The following TRAK1 variants were observed in gnomAD, a reference collection of about 807,000 sequenced individuals.
The protein encoded by TRAK1 is trafficking kinesin-binding protein 1.
Under a neutral mutation model 92.1 loss-of-function variants are expected in TRAK1, and 33 were observed. That is an observed-to-expected ratio of 0.36 (90% CI 0.27 to 0.48). The LOEUF is 0.48. Ranked by LOEUF, TRAK1 falls within the 20% of genes least tolerant of loss-of-function variation. TRAK1 has a pLI of 0.99. For synonymous variants in TRAK1, 521 were observed against 517.3 expected, an observed-to-expected ratio of 1.01 and a Z score of -0.10; for missense variants, 1,123 against 1,257.9, an observed-to-expected ratio of 0.89 and a Z score of 1.62.
At chr3:42,186,382 C>A (rs954864968) in intron 4 of TRAK1, among the ~76,000 whole-genome samples, 1 of 152,244 alleles carries the variant, frequency 6.6e-6, no homozygotes, top group Middle Eastern at 3.4e-3. Context: ...TAAAGCTATT[C>A]CCAGTACATT....
At chr3:42,030,536 G>A (rs189973553) in intron 1 of TRAK1, among the ~76,000 whole-genome samples, 1 of 149,856 alleles carries the variant, frequency 6.7e-6, no homozygotes, top group South Asian at 2.1e-4. Context: ...GACCAGGCAT[G>A]GTGGCGTATG....
At chr3:42,169,671 CAAAA>C (rs10710580) in intron 2 of TRAK1, among the ~76,000 whole-genome samples, 3 of 139,850 alleles carry the variant, frequency 2.1e-5, no homozygotes. Context: ...AACTCCATCT[CAAAA>C]AAAAAAAAAA....
chr3:42,196,292 G>T (rs1025954699), intron 10 of TRAK1, among the ~76,000 whole-genome samples: 1 of 152,130 alleles, frequency 6.6e-6, no homozygotes, highest in Non-Finnish European at 1.5e-5. Flanking sequence ...CATTCTAATC[G>T]CTGAATAAAA....
chr3:42,159,878 C>T (rs1008742550), intron 2 of TRAK1, among the ~76,000 whole-genome samples: 1 of 152,210 alleles, frequency 6.6e-6, no homozygotes, highest in Non-Finnish European at 1.5e-5. Context: ...CAGGACAATT[C>T]CTCCGCCAGC....
chr3:42,101,872 T>A (rs1706804737), intron 1 of TRAK1, among the ~76,000 whole-genome samples: 1 of 152,166 alleles, frequency 6.6e-6, no homozygotes. Flanking sequence ...TGTTGGTGAG[T>A]CCAGCAATCC....
intron 1 of TRAK1, among the ~76,000 whole-genome samples, chr3:42,035,566 T>C (rs535927857): frequency 2.0e-5 from 3 of 152,346 alleles, no homozygotes; most frequent in South Asian, 2.1e-4. Context: ...CAGGAACCAG[T>C]ACGTTTTCCT....
intron 14 of TRAK1, chr3:42,217,094 TCTC>T (rs1459850742): frequency 6.3e-5 from 16 of 252,010 alleles, no homozygotes; most frequent in Middle Eastern, 4.0e-3. Context: ...TCTCTCTCTC[TCTC>T]TTTTTTTTTT....
At chr3:42,200,169 A>C (rs17287911) in intron 11 of TRAK1, among the ~76,000 whole-genome samples, 17,494 of 152,234 alleles carry the variant, frequency 0.11, 1,259 homozygotes, top group South Asian at 0.19. Context: ...TGTCCAAGTG[A>C]GGTTTGGTAT....
chr3:42,187,001 T>C (rs1470713649), intron 4 of TRAK1, among the ~76,000 whole-genome samples: 1 of 152,242 alleles, frequency 6.6e-6, no homozygotes, highest in Non-Finnish European at 1.5e-5. Flanking sequence ...TCCCTATTCT[T>C]CAGTACTGCA....
intron 1 of TRAK1, among the ~76,000 whole-genome samples, chr3:42,047,922 CTTTT>C (rs11422406): frequency 7.7e-6 from 1 of 129,222 alleles, no homozygotes. Flanking sequence ...AGTTTCTTTT[CTTTT>C]TTTTTTTTTT....
At chr3:42,119,489 C>T (rs1417636929) in intron 1 of TRAK1, among the ~76,000 whole-genome samples, 1 of 152,204 alleles carries the variant, frequency 6.6e-6, no homozygotes, top group East Asian at 1.9e-4. Flanking sequence ...GCTGCTTTAA[C>T]AGAGACCAAA....
Position 42,203,878 on chromosome 3 carries a change from A to G in TRAK1, c.1744+1126A>G, listed in dbSNP as rs1019641661. 1.2e-5 allele frequency: 11 copies of G among 924,592 alleles called. No homozygotes were observed. In the African/African-American group the frequency reaches 2.0e-4, roughly 17 times the overall value. 57.3% of individuals were successfully genotyped at this position (924,592 alleles called of 1,614,324 possible). A position where few individuals can be genotyped will look rare whatever the true frequency, so the allele number is the denominator to read the frequency against. On this transcript the variant is annotated intron_variant, in intron 13 of 15. Transcript: ENST00000327628. ...TATTAAAATTAAAAAGAATCCAATTATGTTTACCTCAAAAGAACCTGTTTT... is the reference window on the plus strand; with the variant it reads ...TATTAAAATTAAAAAGAATCCAATTGTGTTTACCTCAAAAGAACCTGTTTT...
intron 1 of TRAK1, among the ~76,000 whole-genome samples, chr3:42,061,538 G>A (rs1372107717): frequency 6.6e-6 from 1 of 152,054 alleles, no homozygotes; most frequent in Non-Finnish European, 1.5e-5. Flanking sequence ...AGCTGCTACA[G>A]AGCTCTGAAT....
chr3:42,165,264 CAG>C, intron 2 of TRAK1, among the ~76,000 whole-genome samples: 1 of 152,164 alleles, frequency 6.6e-6, no homozygotes, highest in South Asian at 2.1e-4. Flanking sequence ...TGTGAGTGGG[CAG>C]AGTCAGTCTT....
At chr3:42,023,777 G>A (rs994113400) in intron 1 of TRAK1, among the ~76,000 whole-genome samples, 2 of 124,664 alleles carry the variant, frequency 1.6e-5, no homozygotes, top group Non-Finnish European at 3.2e-5. Flanking sequence ...TTTTTGAGAC[G>A]GAATCTCACT....
chr3:42,047,200 CTTTTTTTT>C (rs561224807), intron 1 of TRAK1, among the ~76,000 whole-genome samples: 39 of 107,140 alleles, frequency 3.6e-4, no homozygotes, highest in African/African-American at 4.0e-4. Flanking sequence ...AAAAACTGAT[CTTTTTTTT>C]TTTTTTTTTT....
intron 14 of TRAK1, among the ~76,000 whole-genome samples, chr3:42,213,081 C>T (rs956463061): frequency 9.1e-6 from 1 of 109,726 alleles, no homozygotes; most frequent in Admixed American, 1.2e-4. Context: ...TTTTTTGAGA[C>T]GGAGTCTTGC....
intron 14 of TRAK1, chr3:42,218,649 A>G (rs892351397): frequency 1.0e-6 from 1 of 985,294 alleles, no homozygotes. Flanking sequence ...TAACACTTCC[A>G]TGATTTAATC....
chr3:42,223,368 G>T lies in TRAK1; in HGVS notation c.2493G>T (p.Glu831Asp). 6.2e-7 allele frequency: 1 copy of T among 1,614,234 alleles called. No individual in the cohort carries two copies. The highest frequency in any genetic ancestry group is 8.5e-7 in the Non-Finnish European group (1 of 1,180,040). Residue 831 changes from glutamate (E) to aspartate (D), a missense_variant, in exon 16 of 16, where the codon GAG becomes GAT. Physicochemically the swap from Glu to Asp is conservative, Grantham distance 45. Around this residue, in one of 3 missense-constraint regions of TRAK1, gnomAD observed 401 missense variants for 438.9 expected, o/e 0.91. Transcript: ENST00000327628. The surrounding 1 kb of genome is among the most constrained non-coding windows in gnomAD (Gnocchi z 6.1). The stretch of plus-strand genomic sequence containing the variant: ...GAGAAAAGAACGTCCGCAGCAGCGA[G>T]AGCCAGACCGACGTGTCCGTCTCCA... Reference protein sequence around the residue: ...EVREKNVRSSESQTDVSVSNL... With the variant: ...EVREKNVRSSDSQTDVSVSNL...
Sources: gnomAD v4.1 joint callset for allele counts (sites outside exome capture counted in the v4.1 genomes callset) on GRCh38, gnomAD v4.1.1 for gene constraint, gnomAD v4.1.1 regional missense constraint, Gnocchi (gnomAD v3.1) non-coding constraint, MANE v1.5 for transcripts, NCBI Gene and HGNC (gene_info 2026-07-23, HGNC 2026-07-21) for gene names.